HSF1: variants seen among roughly 807,000 people sequenced by gnomAD.
HSF1 encodes heat shock transcription factor 1, also known as heat shock factor protein 1.
HSF1 carries 32 observed loss-of-function variants against 51.7 expected under a neutral mutation model. The ratio of observed to expected loss-of-function variants is 0.62; its 90% CI spans 0.47 to 0.83. The LOEUF (loss-of-function observed/expected upper bound fraction) is 0.83. Among genes scored for constraint, HSF1 ranks in the 40% least tolerant of loss-of-function variants. HSF1 has a pLI of 0.00. For missense variants in HSF1, 727 were observed against 717.0 expected (o/e 1.01, Z -0.16); for synonymous variants, 396 against 309.7 (o/e 1.28, Z -2.92).
At position 144,291,641 on chromosome 8, in the gene HSF1, CTG is replaced by C; in HGVS notation, c.-110_-109del. 1.8e-6 allele frequency: 1 copy of C among 548,672 alleles called. No homozygotes were observed. Among genetic ancestry groups the C allele is most frequent in the South Asian group, 2.7e-5 (1 of 37,320 alleles). 34.0% of individuals were successfully genotyped at this position (548,672 alleles called of 1,614,324 possible). A position where few individuals can be genotyped will look rare whatever the true frequency, so the allele number is the denominator to read the frequency against. ...GCGGCGGCCATGCTGGGCCCCGGGG[CTG>C]TGTGTGCGCAGCGGGCGGCGGCGCG... On this transcript the variant is annotated 5_prime_UTR_variant, in exon 1 of 13. An upstream open reading frame in the 5' UTR loses its in-frame stop. Transcript: ENST00000528838. The surrounding 1 kb of genome is among the most constrained non-coding windows in gnomAD (Gnocchi z 4.1).
In HSF1 at chr8:144,311,694, T is replaced by C; in HGVS notation, c.724-6T>C. ...CACTGCATGGACCTCCTGCCTTTGA[T>C]TGCAGGCCCCCTCCCCAGCCTACAG... On this transcript the variant is annotated splice_polypyrimidine_tract_variant and splice_region_variant and intron_variant, in intron 7 of 12. Transcript: ENST00000528838. 1.2e-6 allele frequency: 2 copies of C among 1,609,058 alleles called. No homozygotes were observed. The highest frequency in any genetic ancestry group is 1.1e-5 in the South Asian group (1 of 90,500).
At chr8:144,296,634 G>A (rs1049418988) in intron 1 of HSF1, among the ~76,000 whole-genome samples, 110 of 152,144 alleles carry the variant, frequency 7.2e-4, no homozygotes, top group African/African-American at 2.2e-3. Flanking sequence ...GTGAAACCCC[G>A]TCTATATTAA....
rs782532979 is a variant in HSF1 at position 144,312,661 on chromosome 8, C to CCGCCTCTTCCCCTG, written c.1142+419_1142+432dup. 7.8e-6 allele frequency: 12 copies of CCGCCTCTTCCCCTG among 1,535,512 alleles called. No homozygotes were observed. In the South Asian group the frequency reaches 1.3e-4, roughly 17 times the overall value. ...GCACTCCACAGATGTCTAGGGTCGC[C>CCGCCTCTTCCCCTG]CGCCTCTTCCCCTGCCCCTCTTCCT... On this transcript the variant is annotated intron_variant, in intron 9 of 12. Transcript: ENST00000528838.
chr8:144,292,139 T>C (rs1411076644), intron 1 of HSF1, among the ~76,000 whole-genome samples: 8 of 152,186 alleles, frequency 5.3e-5, no homozygotes, highest in African/African-American at 1.7e-4. Context: ...ATGGGGCGTC[T>C]CTTGTATTGG....
rs1816418527 is a variant in HSF1, at chr8:144,309,019, G to A, written c.226+5G>A. 6.2e-7 allele frequency: 1 copy of A among 1,607,674 alleles called. No homozygotes were observed. The highest frequency in any genetic ancestry group is 8.5e-7 in the Non-Finnish European group (1 of 1,174,168). On this transcript the variant is annotated splice_donor_5th_base_variant and intron_variant, in intron 2 of 12. Coordinates refer to ENST00000528838, the MANE Select transcript of HSF1 (RefSeq NM_005526.4). ...TCGTGCGGCAGCTCAACATGTGTGA[G>A]TGCTGCCTCCAGGCAGCGCAGGGGT...
At chr8:144,307,110 T>C (rs1554843436) in intron 1 of HSF1, among the ~76,000 whole-genome samples, 1 of 152,218 alleles carries the variant, frequency 6.6e-6, no homozygotes, top group African/African-American at 2.4e-5. Context: ...TGTCCTGGAA[T>C]ATCTCAGAGC....
At chr8:144,296,935 G>T (rs910931009) in intron 1 of HSF1, among the ~76,000 whole-genome samples, 1 of 151,872 alleles carries the variant, frequency 6.6e-6, no homozygotes, top group Non-Finnish European at 1.5e-5. Flanking sequence ...GGTGGGGGGG[G>T]TGCGGTGAGG....
rs1588628138 is a variant in HSF1, at chr8:144,297,543, C to T, written c.117+5669C>T. Among the ~76,000 whole-genome samples, 1 of 152,174 alleles carries T rather than the reference C, an allele frequency of 6.6e-6. No homozygotes were observed. The highest frequency in any genetic ancestry group is 2.1e-4 in the South Asian group (1 of 4,822). On this transcript the variant is annotated intron_variant, in intron 1 of 12. Coordinates refer to ENST00000528838, the MANE Select transcript of HSF1 (RefSeq NM_005526.4). This position sits in a 1 kb window ranked among gnomAD's most constrained non-coding sequence, Gnocchi z 4.6. Reference sequence around the variant, plus strand: ...ATGTGGACAGAACCAGACCAGGGAACGGGGCCACAAAGTGAGCCACTTTGT... The same window carrying T: ...ATGTGGACAGAACCAGACCAGGGAATGGGGCCACAAAGTGAGCCACTTTGT...
intron 1 of HSF1, among the ~76,000 whole-genome samples, chr8:144,302,698 T>C (rs1815973520): frequency 6.6e-6 from 1 of 151,446 alleles, no homozygotes; most frequent in Non-Finnish European, 1.5e-5. Context: ...GGTGTGCTCC[T>C]GTGGGCCCAG....
At position 144,314,483 on chromosome 8, in the gene HSF1, G is replaced by A; in HGVS notation, c.*153G>A. 1 of 646,768 alleles carries A rather than the reference G, an allele frequency of 1.5e-6. No homozygotes were observed. Among genetic ancestry groups the A allele is most frequent in the Non-Finnish European group, 2.7e-6 (1 of 373,216 alleles). The allele number at this position is 646,768 out of a possible 1,614,324, so 40.1% of individuals were successfully genotyped here. A position where few individuals can be genotyped will look rare whatever the true frequency, so the allele number is the denominator to read the frequency against. ...GGGCTCGGGTCTGGGCAGCACCTCT[G>A]GTCAGGAGGGTCACCCTGGCCTGCC... On this transcript the variant is annotated 3_prime_UTR_variant, in exon 13 of 13. Transcript: ENST00000528838.
intron 1 of HSF1, among the ~76,000 whole-genome samples, chr8:144,296,205 G>A (rs1053973397): frequency 6.6e-6 from 1 of 152,198 alleles, no homozygotes; most frequent in African/African-American, 2.4e-5. Context: ...AGGCAGGGCA[G>A]GGCGTCCACT....
In HSF1 at chr8:144,291,798, A is replaced by G. The variant is rs1815103694; in HGVS notation, c.41A>G (p.Asn14Ser). ...GGCCCCGGCGCGGCGGGGCCCAGCA[A>G]CGTCCCGGCCTTCCTGACCAAGCTG... The part of the protein sequence containing the change: ...PVGPGAAGPS[N>S]VPAFLTKLWT... Residue 14 changes from asparagine (N) to serine (S), a missense_variant, in exon 1 of 13, where the codon AAC becomes AGC. Asn to Ser is a conservative substitution (Grantham distance 46). Coordinates refer to ENST00000528838, the MANE Select transcript of HSF1 (RefSeq NM_005526.4). This position sits in a 1 kb window ranked among gnomAD's most constrained non-coding sequence, Gnocchi z 4.1. 6.5e-7 allele frequency: 1 copy of G among 1,549,006 alleles called. No homozygotes were observed. Among genetic ancestry groups the G allele is most frequent in the South Asian group, 1.2e-5 (1 of 84,474 alleles).
chr8:144,298,769 A>G (rs1815656618), intron 1 of HSF1, among the ~76,000 whole-genome samples: 1 of 152,224 alleles, frequency 6.6e-6, no homozygotes. Context: ...GGTACCAGAA[A>G]GGAAGGAGTT....
At chr8:144,296,443 C>G (rs1005853565) in intron 1 of HSF1, among the ~76,000 whole-genome samples, 3 of 152,190 alleles carry the variant, frequency 2.0e-5, no homozygotes, top group Admixed American at 6.5e-5. Context: ...AGAAGTGCTG[C>G]AGGGTCTGGA....
At chr8:144,293,292 G>C (rs1377567660) in intron 1 of HSF1, among the ~76,000 whole-genome samples, 1 of 152,188 alleles carries the variant, frequency 6.6e-6, no homozygotes, top group African/African-American at 2.4e-5. Flanking sequence ...ACACCTCTGT[G>C]TTGGCCTTCC....
chr8:144,309,370 C>A, intron 2 of HSF1, 85 bp from the exon 3 acceptor site: 3 of 1,571,458 alleles, frequency 1.9e-6, no homozygotes, highest in Non-Finnish European at 2.6e-6. Context: ...CCAAGCCCCG[C>A]AGCAGCCTCC....
intron 5 of HSF1, 34 bp from the exon 6 acceptor site, chr8:144,311,287 A>G: frequency 1.2e-6 from 2 of 1,613,196 alleles, no homozygotes; most frequent in Non-Finnish European, 1.7e-6. Context: ...GGGCCCCACA[A>G]GGGCCGGGGT....
intron 4 of HSF1, 48 bp from the exon 5 acceptor site, chr8:144,311,126 T>C: frequency 2.0e-6 from 3 of 1,536,834 alleles, no homozygotes; most frequent in Non-Finnish European, 2.6e-6. Context: ...CCCTCAGCCC[T>C]GGGGCTCATG....
chr8:144,312,052 G>C lies in HSF1; in HGVS notation c.950G>C (p.Arg317Pro). Residue 317 changes from arginine (R) to proline (P), a missense_variant, in exon 9 of 13, where the codon CGC (arginine) becomes CCC (proline). Arg to Pro is a moderately radical substitution (Grantham distance 103, BLOSUM62 -2). Transcript: ENST00000528838. The stretch of plus-strand genomic sequence containing the variant: ...CGGGTAGAGGAGGCGAGTCCCGGGC[G>C]CCCATCTTCCGTGGACACCCTCTTG... ...SPRVEEASPG[R>P]PSSVDTLLSP... 1 of 1,611,930 alleles carries C rather than the reference G, an allele frequency of 6.2e-7. No homozygotes were observed. The highest frequency in any genetic ancestry group is 8.5e-7 in the Non-Finnish European group (1 of 1,179,646).
Sources: gnomAD v4.1 joint callset for allele counts (sites outside exome capture counted in the v4.1 genomes callset) on GRCh38, gnomAD v4.1.1 for gene constraint, Gnocchi (gnomAD v3.1) non-coding constraint, MANE v1.5 for transcripts, NCBI Gene and HGNC (gene_info 2026-07-23, HGNC 2026-07-21) for gene names.